Variants in DPYD observed in about 807,000 individuals in gnomAD.
DPYD encodes the protein dihydropyrimidine dehydrogenase [NADP(+)].
A neutral mutation model predicts 116.2 loss-of-function variants in DPYD; 109 were observed. The ratio of observed to expected loss-of-function variants is 0.94; its 90% CI spans 0.80 to 1.10. The LOEUF (loss-of-function observed/expected upper bound fraction) is 1.10, where lower values mean the gene tolerates loss of function less well. Ranked by LOEUF, DPYD falls within the 50% of genes least tolerant of loss-of-function variation. DPYD has a pLI of 0.00. For missense variants in DPYD, 1,302 were observed against 1,254.5 expected (o/e 1.04, Z -0.57); for synonymous variants, 440 against 432.0 (o/e 1.02, Z -0.23).
intron 20 of DPYD, among the ~76,000 whole-genome samples, chr1:97,123,175 C>T (rs1308897508): frequency 6.6e-6 from 1 of 152,082 alleles, no homozygotes; most frequent in East Asian, 1.9e-4. Flanking sequence ...CTAACCATAA[C>T]ATTGTAGGTT....
At chr1:97,629,901 A>G (rs1657152440) in intron 8 of DPYD, among the ~76,000 whole-genome samples, 1 of 152,032 alleles carries the variant, frequency 6.6e-6, no homozygotes. Flanking sequence ...ATAACCACTA[A>G]CCTATTACCC....
chr1:97,663,615 C>A (rs758194832), intron 8 of DPYD, among the ~76,000 whole-genome samples: 18 of 152,206 alleles, frequency 1.2e-4, no homozygotes, highest in Non-Finnish European at 2.4e-4. Flanking sequence ...CCAAACCTAT[C>A]TCACTAATCT....
At chr1:97,906,684 T>G (rs1271945979) in intron 1 of DPYD, among the ~76,000 whole-genome samples, 1 of 152,092 alleles carries the variant, frequency 6.6e-6, no homozygotes, top group Non-Finnish European at 1.5e-5. Flanking sequence ...ACATATATAT[T>G]TGTTTTCAAT....
At chr1:97,810,130 C>CA (rs1668276715) in intron 3 of DPYD, among the ~76,000 whole-genome samples, 3 of 151,082 alleles carry the variant, frequency 2.0e-5, no homozygotes, top group Admixed American at 6.6e-5. Flanking sequence ...ACTAAAAATA[C>CA]AAAAAAATTA....
At chr1:97,799,219 C>A (rs1192771392) in intron 3 of DPYD, among the ~76,000 whole-genome samples, 2 of 151,782 alleles carry the variant, frequency 1.3e-5, no homozygotes, top group Admixed American at 1.3e-4. Context: ...CTCCTCTAGC[C>A]CTATAGAATG....
At chr1:97,385,280 C>CAAAAAAAA (rs567156406) in intron 14 of DPYD, among the ~76,000 whole-genome samples, 4 of 48,926 alleles carry the variant, frequency 8.2e-5, no homozygotes, top group Admixed American at 6.1e-4. Context: ...GCATTCCTTG[C>CAAAAAAAA]AAAAAAAAAA....
chr1:97,508,509 A>G (rs1026437490), intron 13 of DPYD, among the ~76,000 whole-genome samples: 3 of 151,910 alleles, frequency 2.0e-5, no homozygotes, highest in African/African-American at 7.2e-5. Flanking sequence ...TAGAAATATA[A>G]AATTTCTGTG....
chr1:97,894,153 C>G (rs1388258280), intron 1 of DPYD, among the ~76,000 whole-genome samples: 1 of 151,716 alleles, frequency 6.6e-6, no homozygotes, highest in Non-Finnish European at 1.5e-5. Flanking sequence ...ATCCTTTTCC[C>G]TCTTCTGACT....
chr1:97,530,362 C>T (rs991564287), intron 12 of DPYD, among the ~76,000 whole-genome samples: 3 of 151,872 alleles, frequency 2.0e-5, no homozygotes, highest in African/African-American at 7.2e-5. Context: ...GGACTACAGG[C>T]GCCCACCACC....
At chr1:97,565,117 T>TG (rs1285755070) in intron 11 of DPYD, among the ~76,000 whole-genome samples, 1 of 152,146 alleles carries the variant, frequency 6.6e-6, no homozygotes, top group Non-Finnish European at 1.5e-5. Context: ...AAAATGTTAC[T>TG]GGGTCAGCTT....
At chr1:97,829,534 G>T (rs1339447184) in intron 2 of DPYD, among the ~76,000 whole-genome samples, 5 of 152,012 alleles carry the variant, frequency 3.3e-5, no homozygotes, top group Non-Finnish European at 7.4e-5. Flanking sequence ...TCAATAAAGA[G>T]AACTGCTTAG....
chr1:97,203,793 C>CAAAAAA (rs56819543), intron 19 of DPYD, among the ~76,000 whole-genome samples: 26 of 65,720 alleles, frequency 4.0e-4, no homozygotes, highest in African/African-American at 4.7e-4. Context: ...ATTCACATTC[C>CAAAAAA]AAAAAAAAAA....
At chr1:97,812,363 C>G (rs555477001) in intron 3 of DPYD, among the ~76,000 whole-genome samples, 1 of 152,184 alleles carries the variant, frequency 6.6e-6, no homozygotes, top group East Asian at 1.9e-4. Flanking sequence ...TTTTTAGTAA[C>G]TACAATCACT....
At chr1:97,546,580 A>T in intron 12 of DPYD, 1 of 1,607,498 alleles carries the variant, frequency 6.2e-7, no homozygotes, top group South Asian at 1.1e-5. Context: ...CAAATCAAAA[A>T]TAACACATCC....
chr1:97,856,925 G>C (rs1018742928), intron 2 of DPYD: 3 of 152,210 alleles, frequency 2.0e-5, no homozygotes, highest in Non-Finnish European at 4.4e-5. Context: ...TTCAGGTTCT[G>C]GTGCTCTGAA....
intron 20 of DPYD, among the ~76,000 whole-genome samples, chr1:97,191,059 C>T (rs556970778): frequency 6.6e-6 from 1 of 150,828 alleles, no homozygotes; most frequent in Non-Finnish European, 1.5e-5. Context: ...CACACACACA[C>T]ATACACACAC....
chr1:97,526,728 G>A (rs1439010021), intron 12 of DPYD, among the ~76,000 whole-genome samples: 3 of 152,076 alleles, frequency 2.0e-5, no homozygotes, highest in Non-Finnish European at 4.4e-5. Context: ...TAGTCTAAAA[G>A]GTGCTCATGT....
intron 4 of DPYD, among the ~76,000 whole-genome samples, chr1:97,728,951 GA>G (rs535738768): frequency 6.3e-4 from 93 of 146,920 alleles, no homozygotes; most frequent in African/African-American, 1.8e-3. Context: ...CATACTCTCA[GA>G]AAAAAAAAAT....
intron 18 of DPYD, among the ~76,000 whole-genome samples, chr1:97,287,267 G>A (rs1343490800): frequency 6.6e-6 from 1 of 152,162 alleles, no homozygotes; most frequent in Non-Finnish European, 1.5e-5. Context: ...GAATGCTGCT[G>A]TCTGATCGTT....
Sources: gnomAD v4.1 joint callset for allele counts (sites outside exome capture counted in the v4.1 genomes callset) on GRCh38, gnomAD v4.1.1 for gene constraint, MANE v1.5 for transcripts, NCBI Gene and HGNC (gene_info 2026-07-23, HGNC 2026-07-21) for gene names.